Variants in DPP6 observed in about 807,000 individuals in gnomAD.
DPP6 encodes A-type potassium channel modulatory protein DPP6.
In DPP6, 69 loss-of-function variants were observed where a neutral mutation model predicts 122.6. The observed-to-expected ratio is 0.56, with a 90% CI of 0.46 to 0.69. The LOEUF is 0.69. Among genes scored for constraint, DPP6 ranks in the 30% least tolerant of loss-of-function variants. The probability of loss-of-function intolerance (pLI) is 0.00; values close to 1 mark genes in which losing one functional copy is unlikely to be tolerated. For missense variants in DPP6, 928 were observed against 1,116.9 expected (o/e 0.83, Z 2.41); for synonymous variants, 418 against 433.1 (o/e 0.97, Z 0.43).
chr7:154,143,253 G>A (rs1232368733), intron 1 of DPP6, among the ~76,000 whole-genome samples: 1 of 152,194 alleles, frequency 6.6e-6, no homozygotes, highest in Non-Finnish European at 1.5e-5. Context: ...TGCCAGATAA[G>A]TCTTTTCTGA....
At chr7:154,789,086 C>G (rs1180231390) in intron 10 of DPP6, among the ~76,000 whole-genome samples, 1 of 152,156 alleles carries the variant, frequency 6.6e-6, no homozygotes, top group Non-Finnish European at 1.5e-5. Flanking sequence ...GAATGCCTCC[C>G]ACACCTGATA....
chr7:153,817,125 C>T, the DPP6 span, among the ~76,000 whole-genome samples: 138,019 of 144,530 alleles, frequency 0.95, 65,874 homozygotes, highest in Middle Eastern at 0.98. Flanking sequence ...ATTTGGATGA[C>T]GCCAGCCAGA....
In DPP6 at chr7:154,483,034, G is replaced by A. The variant is rs569942487; in HGVS notation, c.457+7997G>A. On this transcript the variant is annotated intron_variant, in intron 3 of 25. Coordinates refer to ENST00000377770, the MANE Select transcript of DPP6 (RefSeq NM_130797.4). The surrounding 1 kb of genome is among the most constrained non-coding windows in gnomAD (Gnocchi z 8.1). ...GGATGAAGCCAGGTGAGAGGTTGGA[G>A]CCATCTGGAGGACCATGGAAAGCGT... Among the ~76,000 whole-genome samples, 2 of 152,264 alleles carry A rather than the reference G, an allele frequency of 1.3e-5. No homozygotes were observed. The highest frequency in any genetic ancestry group is 6.5e-5 in the Admixed American group (1 of 15,296).
At chr7:154,498,918 TC>T (rs1261637501) in intron 3 of DPP6, among the ~76,000 whole-genome samples, 1 of 152,310 alleles carries the variant, frequency 6.6e-6, no homozygotes, top group East Asian at 1.9e-4. Context: ...CTATTCTATA[TC>T]CCTGCTCTGC....
intron 1 of DPP6, among the ~76,000 whole-genome samples, chr7:154,053,418 G>T (rs1258191501): frequency 2.6e-5 from 4 of 151,940 alleles, no homozygotes; most frequent in Non-Finnish European, 5.9e-5. Flanking sequence ...CGATCGGCCT[G>T]TGCTTACGAG....
chr7:154,705,771 A>G (rs1258544419), intron 7 of DPP6, among the ~76,000 whole-genome samples: 1 of 152,270 alleles, frequency 6.6e-6, no homozygotes, highest in African/African-American at 2.4e-5. Flanking sequence ...TAGCCAGAAC[A>G]TGTGAAAGTA....
chr7:153,989,608 G>T (rs1437914676), intron 1 of DPP6, among the ~76,000 whole-genome samples: 2 of 151,972 alleles, frequency 1.3e-5, no homozygotes, highest in African/African-American at 2.4e-5. Context: ...GAGGAAAAGG[G>T]GGGTGCTCAC....
At chr7:153,869,242 GAC>G in the DPP6 span, among the ~76,000 whole-genome samples, 1 of 152,234 alleles carries the variant, frequency 6.6e-6, no homozygotes, top group South Asian at 2.1e-4. Flanking sequence ...GTCTAATGTT[GAC>G]AGTGGGGTGT....
intron 7 of DPP6, among the ~76,000 whole-genome samples, chr7:154,707,645 T>A (rs553379286): frequency 6.6e-6 from 1 of 152,180 alleles, no homozygotes; most frequent in Non-Finnish European, 1.5e-5. Context: ...AAACCTCTCA[T>A]TGATCAACAG....
chr7:154,481,363 G>GTGTC lies in DPP6; in HGVS notation c.457+6329_457+6330insCTGT, dbSNP rs1823272630. ...GAGAGAGGGGTGTGTGTGTGTGTGTGTGTGTGTGTGTCTGTGTGTGTGTGC... is the reference window on the plus strand; with the variant it reads ...GAGAGAGGGGTGTGTGTGTGTGTGTGTGTCTGTGTGTGTGTCTGTGTGTGTGTGC... On this transcript the variant is annotated intron_variant, in intron 3 of 25. Transcript: ENST00000377770. This position sits in a 1 kb window ranked among gnomAD's most constrained non-coding sequence, Gnocchi z 4.2. 6.6e-6 allele frequency among the ~76,000 whole-genome samples: 1 copy of GTGTC among 151,482 alleles called. No individual in the cohort carries two copies. The highest frequency in any genetic ancestry group is 2.4e-5 in the African/African-American group (1 of 41,056).
intron 1 of DPP6, among the ~76,000 whole-genome samples, chr7:154,226,234 C>G (rs1000193832): frequency 6.6e-6 from 1 of 152,144 alleles, no homozygotes; most frequent in African/African-American, 2.4e-5. Flanking sequence ...GGTGCTCTTT[C>G]AGAAATTCCA....
At chr7:153,877,337 T>A in the DPP6 span, among the ~76,000 whole-genome samples, 2 of 152,190 alleles carry the variant, frequency 1.3e-5, no homozygotes, top group African/African-American at 4.8e-5. Flanking sequence ...ATTTCATTTG[T>A]TACTTTTTAA....
At chr7:154,394,019 A>G (rs1372113997) in intron 1 of DPP6, among the ~76,000 whole-genome samples, 1 of 152,152 alleles carries the variant, frequency 6.6e-6, no homozygotes, top group Non-Finnish European at 1.5e-5. Flanking sequence ...TTGTATGTGT[A>G]TGTTACATTT....
chr7:154,072,349 G>A (rs1372534254), intron 1 of DPP6, among the ~76,000 whole-genome samples: 1 of 152,176 alleles, frequency 6.6e-6, no homozygotes, highest in Non-Finnish European at 1.5e-5. Context: ...ATCCAGAGGT[G>A]TGACCTTCCA....
intron 8 of DPP6, among the ~76,000 whole-genome samples, chr7:154,754,281 A>G (rs1158720443): frequency 6.6e-6 from 1 of 152,218 alleles, no homozygotes; most frequent in East Asian, 1.9e-4. Context: ...TGTAAAAAAT[A>G]TTACATGTAA....
chr7:154,260,458 C>T (rs150935254), intron 1 of DPP6, among the ~76,000 whole-genome samples: 7 of 151,924 alleles, frequency 4.6e-5, no homozygotes, highest in Non-Finnish European at 1.0e-4. Context: ...ACTCTTTCCT[C>T]CTGAGTCCCC....
chr7:154,619,762 CG>C (rs1834516640), intron 5 of DPP6, among the ~76,000 whole-genome samples: 1 of 152,150 alleles, frequency 6.6e-6, no homozygotes, highest in Non-Finnish European at 1.5e-5. Flanking sequence ...CTTAGAAGTG[CG>C]GGTTGCATAC....
chr7:154,115,503 C>G (rs62487174), intron 1 of DPP6, among the ~76,000 whole-genome samples: 3,425 of 152,242 alleles, frequency 0.022, 47 homozygotes, highest in Middle Eastern at 0.034. Context: ...TTATAGGGCC[C>G]TGATGCAAAA....
intron 1 of DPP6, among the ~76,000 whole-genome samples, chr7:154,156,870 A>T (rs1585510851): frequency 1.5e-4 from 1 of 6,728 alleles, no homozygotes; most frequent in Non-Finnish European, 3.0e-4. Context: ...GTAATATAAT[A>T]AATTTGTTCC....
Sources: gnomAD v4.1 joint callset for allele counts (sites outside exome capture counted in the v4.1 genomes callset) on GRCh38, gnomAD v4.1.1 for gene constraint, Gnocchi (gnomAD v3.1) non-coding constraint, MANE v1.5 for transcripts, NCBI Gene and HGNC (gene_info 2026-07-23, HGNC 2026-07-21) for gene names.